The following DACH1 variants were observed in gnomAD, a reference collection of about 807,000 sequenced individuals.
The protein encoded by DACH1 is dachshund homolog 1.
A neutral mutation model predicts 54.2 loss-of-function variants in DACH1; 12 were observed. The observed-to-expected ratio is 0.22, with a 90% CI of 0.14 to 0.36. The LOEUF is 0.36. Among genes scored for constraint, DACH1 ranks in the 10% least tolerant of loss-of-function variants. The pLI is 1.00. For missense variants in DACH1, 805 were observed against 929.8 expected (o/e 0.87, Z 1.75); for synonymous variants, 386 against 366.2 (o/e 1.05, Z -0.62).
intron 1 of DACH1, among the ~76,000 whole-genome samples, chr13:71,793,338 A>G (rs938914387): frequency 6.6e-6 from 1 of 152,178 alleles, no homozygotes; most frequent in Non-Finnish European, 1.5e-5. Context: ...AAGAAAATAG[A>G]AGTGGTAGAA....
At chr13:71,741,615 T>C (rs1232643262) in intron 1 of DACH1, among the ~76,000 whole-genome samples, 2 of 152,176 alleles carry the variant, frequency 1.3e-5, no homozygotes, top group African/African-American at 2.4e-5. Flanking sequence ...CTAAGAGAGA[T>C]TATTTTTTAT....
intron 1 of DACH1, among the ~76,000 whole-genome samples, chr13:71,704,921 T>G (rs1882358019): frequency 6.6e-6 from 1 of 152,150 alleles, no homozygotes; most frequent in Non-Finnish European, 1.5e-5. Flanking sequence ...GGTTTGAAGG[T>G]AGTTCCTCTA....
At chr13:71,488,655 G>A (rs989134219) in intron 7 of DACH1, among the ~76,000 whole-genome samples, 4 of 151,712 alleles carry the variant, frequency 2.6e-5, no homozygotes, top group South Asian at 2.1e-4. Flanking sequence ...CTAGTGTGCC[G>A]TTGTTTAGTA....
chr13:71,752,063 C>T (rs992047282), intron 1 of DACH1, among the ~76,000 whole-genome samples: 1 of 152,084 alleles, frequency 6.6e-6, no homozygotes, highest in Non-Finnish European at 1.5e-5. Context: ...ATAGAAAAGT[C>T]ACTGAAATGC....
intron 1 of DACH1, among the ~76,000 whole-genome samples, chr13:71,794,838 T>C (rs1479210263): frequency 1.3e-5 from 2 of 152,250 alleles, no homozygotes; most frequent in Non-Finnish European, 2.9e-5. Flanking sequence ...CCTGTCATTT[T>C]AACTGAAAGG....
intron 1 of DACH1, among the ~76,000 whole-genome samples, chr13:71,840,988 C>T (rs1365703477): frequency 6.6e-6 from 1 of 151,950 alleles, no homozygotes; most frequent in Non-Finnish European, 1.5e-5. Flanking sequence ...TTTTACCAGC[C>T]CAAGGAGTAT....
chr13:71,793,605 A>C (rs1201646236), intron 1 of DACH1, among the ~76,000 whole-genome samples: 2 of 151,998 alleles, frequency 1.3e-5, no homozygotes, highest in Non-Finnish European at 2.9e-5. Context: ...GTGCAATCTC[A>C]CTGCAGCCTC....
Position 71,866,573 on chromosome 13 carries a change from G to T in DACH1, c.197C>A (p.Ala66Glu). The T allele has an allele frequency of 2.4e-6, 3 of 1,275,694 alleles. No homozygotes were observed. Among genetic ancestry groups the T allele is most frequent in the Non-Finnish European group, 2.0e-6 (2 of 1,007,900 alleles). 79.0% of individuals were successfully genotyped at this position (1,275,694 alleles called of 1,614,324 possible). The change falls in exon 1 of 11, where the codon GCG becomes GAG. Residue 66 changes from alanine (A) to glutamate (E), a missense_variant. Physicochemically the swap from Ala to Glu is moderately radical, Grantham distance 107. Coordinates refer to ENST00000613252, the MANE Select transcript of DACH1 (RefSeq NM_080759.6). ...RPEPIASAAA[A>E]AATVTSTGGG... is the part of the protein sequence containing the mutation. ...GCCGGTAGAGGTGACTGTGGCCGCCGCCGCCGCCGCCGAAGCGATGGGCTC... is the reference window on the plus strand; with the variant it reads ...GCCGGTAGAGGTGACTGTGGCCGCCTCCGCCGCCGCCGAAGCGATGGGCTC...
chr13:71,573,070 G>T (rs1593916792), intron 3 of DACH1, 58 bp from the exon 4 acceptor site: 12 of 1,512,188 alleles, frequency 7.9e-6, no homozygotes, highest in South Asian at 7.6e-5. Context: ...ATTAAAAATT[G>T]AAACAGTCAA....
At chr13:71,603,975 G>A (rs1874697925) in intron 3 of DACH1, among the ~76,000 whole-genome samples, 1 of 151,804 alleles carries the variant, frequency 6.6e-6, no homozygotes, top group Non-Finnish European at 1.5e-5. Context: ...GAATATAACT[G>A]TTGTGAAGAT....
chr13:71,473,020 T>C (rs1593748891), intron 10 of DACH1, among the ~76,000 whole-genome samples: 1 of 152,128 alleles, frequency 6.6e-6, no homozygotes, highest in African/African-American at 2.4e-5. Context: ...ATGTTAAGAG[T>C]CTTGAAATAG....
chr13:71,799,095 G>T (rs775811061), intron 1 of DACH1, among the ~76,000 whole-genome samples: 5 of 151,948 alleles, frequency 3.3e-5, no homozygotes, highest in Non-Finnish European at 7.4e-5. Context: ...AATGCCCAAG[G>T]TTATCAGTTT....
chr13:71,848,899 C>T (rs1873474611), intron 1 of DACH1, among the ~76,000 whole-genome samples: 1 of 152,130 alleles, frequency 6.6e-6, no homozygotes, highest in Admixed American at 6.6e-5. Flanking sequence ...CCTATCTTCA[C>T]AACCTTCTGA....
At chr13:71,569,877 G>A (rs1052035659) in intron 4 of DACH1, among the ~76,000 whole-genome samples, 6 of 151,928 alleles carry the variant, frequency 3.9e-5, no homozygotes, top group South Asian at 2.1e-4. Context: ...TTATAATTCC[G>A]TCATACAGGC....
intron 2 of DACH1, among the ~76,000 whole-genome samples, chr13:71,678,115 G>C (rs906198405): frequency 6.6e-6 from 1 of 152,034 alleles, no homozygotes; most frequent in Non-Finnish European, 1.5e-5. Context: ...TCTTTTTATC[G>C]TTTTCAAATG....
chr13:71,444,037 T>C (rs992988681), intron 10 of DACH1, among the ~76,000 whole-genome samples: 6 of 152,144 alleles, frequency 3.9e-5, no homozygotes, highest in Non-Finnish European at 8.8e-5. Context: ...ATGAGTAATA[T>C]ATAATTATTT....
At chr13:71,581,360 G>A (rs1566356877) in intron 3 of DACH1, among the ~76,000 whole-genome samples, 1 of 152,110 alleles carries the variant, frequency 6.6e-6, no homozygotes, top group African/African-American at 2.4e-5. Context: ...TGCCTCCTGG[G>A]TTCAAGCGAT....
intron 3 of DACH1, among the ~76,000 whole-genome samples, chr13:71,617,504 C>T (rs1875871615): frequency 1.3e-5 from 2 of 152,206 alleles, no homozygotes; most frequent in Middle Eastern, 3.4e-3. Context: ...TACAATTATG[C>T]TGCAGTCTTC....
intron 3 of DACH1, among the ~76,000 whole-genome samples, chr13:71,602,944 C>A (rs1874610217): frequency 6.6e-6 from 1 of 151,798 alleles, no homozygotes; most frequent in South Asian, 2.1e-4. Flanking sequence ...TTCTGTGATG[C>A]CAACATAAGC....
Sources: gnomAD v4.1 joint callset for allele counts (sites outside exome capture counted in the v4.1 genomes callset) on GRCh38, gnomAD v4.1.1 for gene constraint, MANE v1.5 for transcripts, NCBI Gene and HGNC (gene_info 2026-07-23, HGNC 2026-07-21) for gene names.